MAP4K3: variants seen among roughly 807,000 people sequenced by gnomAD.
MAP4K3 encodes MAPK/ERK kinase kinase kinase 3.
Under a neutral mutation model 143.5 loss-of-function variants are expected in MAP4K3, and 94 were observed. The ratio of observed to expected loss-of-function variants is 0.65; its 90% CI spans 0.55 to 0.78. MAP4K3 has a LOEUF of 0.78. Among genes scored for constraint, MAP4K3 ranks in the 30% least tolerant of loss-of-function variants. MAP4K3 has a pLI of 0.00. For missense variants in MAP4K3, 1,077 were observed against 1,068.1 expected (o/e 1.01, Z -0.12); for synonymous variants, 416 against 347.2 (o/e 1.20, Z -2.20).
At chr2:39,299,186 G>C (rs982226943) in intron 16 of MAP4K3, among the ~76,000 whole-genome samples, 2 of 152,070 alleles carry the variant, frequency 1.3e-5, no homozygotes, top group African/African-American at 4.8e-5. Context: ...TTTGTAAGCT[G>C]CCTTTTAAAC....
chr2:39,309,433 G>A (rs915592819), intron 14 of MAP4K3, 28 bp downstream of exon 14: 2 of 1,496,346 alleles, frequency 1.3e-6, no homozygotes, highest in Non-Finnish European at 1.8e-6. Context: ...TATTTTCAGT[G>A]CTAACATTCT....
intron 22 of MAP4K3, among the ~76,000 whole-genome samples, chr2:39,280,650 A>T (rs1681478034): frequency 6.6e-6 from 1 of 152,180 alleles, no homozygotes; most frequent in South Asian, 2.1e-4. Context: ...CCAATTCTGC[A>T]TAATAATGTA....
At chr2:39,302,403 T>C (rs1682547884) in intron 15 of MAP4K3, among the ~76,000 whole-genome samples, 1 of 152,238 alleles carries the variant, frequency 6.6e-6, no homozygotes, top group Non-Finnish European at 1.5e-5. Context: ...AACCATTGTT[T>C]ACCAAGCACC....
In MAP4K3 at chr2:39,329,956, A is replaced by T. The variant is rs537763659; in HGVS notation, c.530+1961T>A. Among the ~76,000 whole-genome samples the T allele has an allele frequency of 4.6e-5, 7 of 152,250 alleles. No homozygotes were observed. The East Asian group carries it at 1.2e-3, about 25-fold the overall frequency. On this transcript the variant is annotated intron_variant, in intron 8 of 33. Coordinates refer to ENST00000263881, the MANE Select transcript of MAP4K3 (RefSeq NM_003618.4). ...CCATCATGAAAATATGAATGTAGAG[A>T]GTTGAGGAACTCTTATAAGTAGAAC...
At chr2:39,420,613 A>G (rs187955943) in intron 1 of MAP4K3, among the ~76,000 whole-genome samples, 27 of 150,776 alleles carry the variant, frequency 1.8e-4, no homozygotes, top group Admixed American at 1.7e-3. Context: ...AGGTCTAGCT[A>G]TGTTGTCCAG....
intron 3 of MAP4K3, among the ~76,000 whole-genome samples, chr2:39,345,103 T>C (rs898974625): frequency 6.6e-6 from 1 of 152,174 alleles, no homozygotes; most frequent in African/African-American, 2.4e-5. Flanking sequence ...CCAGGCCCAG[T>C]GGCTCACACC....
chr2:39,328,325 C>A lies in MAP4K3; in HGVS notation c.531-2048G>T, dbSNP rs1190873455. On this transcript the variant is annotated intron_variant, in intron 8 of 33. Transcript: ENST00000263881. ...CAGCCTGGGTGACAGAGTGAGACCC[C>A]ATCTCAAAAACCAAAAACAAAAACA... is the stretch of plus-strand genomic sequence containing the variant. Among the ~76,000 whole-genome samples, 4 of 152,058 alleles carry A rather than the reference C, an allele frequency of 2.6e-5. No homozygotes were observed. In the East Asian group the frequency reaches 7.7e-4, roughly 29 times the overall value.
intron 3 of MAP4K3, among the ~76,000 whole-genome samples, chr2:39,353,322 ATC>A (rs1665511674): frequency 6.6e-6 from 1 of 152,256 alleles, no homozygotes. Flanking sequence ...TAAGGGAAGA[ATC>A]TCTACAGAAG....
At chr2:39,430,874 C>G (rs1665262663) in intron 1 of MAP4K3, among the ~76,000 whole-genome samples, 1 of 152,222 alleles carries the variant, frequency 6.6e-6, no homozygotes, top group Non-Finnish European at 1.5e-5. Context: ...AATGCCACCT[C>G]CTCTGCAAGG....
At chr2:39,332,842 TTATATC>T (rs2148522632) in intron 7 of MAP4K3, among the ~76,000 whole-genome samples, 1 of 152,200 alleles carries the variant, frequency 6.6e-6, no homozygotes, top group African/African-American at 2.4e-5. Flanking sequence ...TTCAAAATAG[TTATATC>T]TATATTTTTA....
At chr2:39,368,524 C>A (rs1352251411) in intron 2 of MAP4K3, among the ~76,000 whole-genome samples, 1 of 151,900 alleles carries the variant, frequency 6.6e-6, no homozygotes, top group African/African-American at 2.4e-5. Context: ...AAAAAATTAG[C>A]TGGGTGTGGT....
chr2:39,417,641 C>T (rs79221854), intron 1 of MAP4K3, among the ~76,000 whole-genome samples: 4,942 of 152,246 alleles, frequency 0.032, 135 homozygotes, highest in Non-Finnish European at 0.042. Flanking sequence ...CAGATACAGA[C>T]AGAGAGATAC....
intron 26 of MAP4K3, chr2:39,267,454 C>T (rs1680812251): frequency 5.7e-6 from 3 of 525,226 alleles, no homozygotes; most frequent in East Asian, 6.4e-5. Flanking sequence ...GGGCGGATCA[C>T]AAGGTCAAGA....
In MAP4K3 at chr2:39,267,169, C is replaced by G. The variant is rs1437512956; in HGVS notation, c.2032+20G>C. 1 of 1,612,388 alleles carries G rather than the reference C, an allele frequency of 6.2e-7. No homozygotes were observed. Among genetic ancestry groups the G allele is most frequent in the Non-Finnish European group, 8.5e-7 (1 of 1,178,620 alleles). On this transcript the variant is annotated intron_variant, in intron 27 of 33. Coordinates refer to ENST00000263881, the MANE Select transcript of MAP4K3 (RefSeq NM_003618.4). ...AGGAGGAGTCTCAGAGAGCTATATG[C>G]TATTGGACAGTTTACTTACCAACAC...
At chr2:39,336,283 G>A (rs767014921) in intron 6 of MAP4K3, among the ~76,000 whole-genome samples, 4 of 151,876 alleles carry the variant, frequency 2.6e-5, no homozygotes, top group Non-Finnish European at 5.9e-5. Flanking sequence ...GACCAGCCTG[G>A]CCAACATGAT....
At chr2:39,383,413 C>T (rs1396125055) in intron 1 of MAP4K3, among the ~76,000 whole-genome samples, 1 of 11,372 alleles carries the variant, frequency 8.8e-5, no homozygotes, top group African/African-American at 9.4e-5. Flanking sequence ...CGCCATGATT[C>T]AATTACCTCC....
At chr2:39,295,037 GAA>G (rs770504063) in intron 16 of MAP4K3, among the ~76,000 whole-genome samples, 1 of 136,268 alleles carries the variant, frequency 7.3e-6, no homozygotes. Flanking sequence ...AACAAGACTT[GAA>G]AAAAAAAAAA....
chr2:39,288,877 C>T (rs937651630), intron 19 of MAP4K3, among the ~76,000 whole-genome samples: 1 of 152,096 alleles, frequency 6.6e-6, no homozygotes, highest in African/African-American at 2.4e-5. Flanking sequence ...ATGGTGAAAC[C>T]CCGTCTCTAC....
At chr2:39,427,199 T>TA (rs1665116119) in intron 1 of MAP4K3, among the ~76,000 whole-genome samples, 1 of 152,040 alleles carries the variant, frequency 6.6e-6, no homozygotes, top group Non-Finnish European at 1.5e-5. Flanking sequence ...AAACAACCGT[T>TA]AATTTAGAGT....
Sources: gnomAD v4.1 joint callset for allele counts (sites outside exome capture counted in the v4.1 genomes callset) on GRCh38, gnomAD v4.1.1 for gene constraint, MANE v1.5 for transcripts, NCBI Gene and HGNC (gene_info 2026-07-23, HGNC 2026-07-21) for gene names.